ADAMTS2: variants seen among roughly 807,000 people sequenced by gnomAD.
The protein encoded by ADAMTS2 is ADAM metallopeptidase with thrombospondin type 1 motif 2, also known as A disintegrin and metalloproteinase with thrombospondin motifs 2.
Under a neutral mutation model 123.0 loss-of-function variants are expected in ADAMTS2, and 50 were observed. That is an observed-to-expected ratio of 0.41 (90% confidence interval 0.32 to 0.51). The LOEUF (loss-of-function observed/expected upper bound fraction) is 0.51. ADAMTS2 is among the 20% of genes least tolerant of loss of function. The probability of loss-of-function intolerance (pLI) is 0.35; values close to 1 mark genes in which losing one functional copy is unlikely to be tolerated. For synonymous variants in ADAMTS2, 678 were observed against 695.4 expected (o/e 0.98, Z 0.39); for missense variants, 1,494 against 1,705.2 (o/e 0.88, Z 2.18).
At position 179,343,958 on chromosome 5, in the gene ADAMTS2, C is replaced by T; in HGVS notation, c.343G>A (p.Val115Ile). 6.2e-7 allele frequency: 1 copy of T among 1,612,372 alleles called. No homozygotes were observed. The highest frequency in any genetic ancestry group is 8.5e-7 in the Non-Finnish European group (1 of 1,179,786). ...PGSHLFYNVT[V>I]FGRDLHLRLR... ...CGCAGGTGCAGGTCTCGGCCAAAGA[C>T]CGTGACATTGTAGAAGAGGTGACTG... Residue 115 changes from valine to isoleucine, a missense_variant, in exon 2 of 22, where the codon GTC becomes ATC. Around this residue, in one of 6 missense-constraint regions of ADAMTS2, gnomAD observed 237 missense variants for 233.7 expected, o/e 1.01. Transcript: ENST00000251582.
Position 179,132,779 on chromosome 5 carries a change from T to A in ADAMTS2, c.2207A>T (p.His736Leu), listed in dbSNP as rs1042993657. 2.5e-6 allele frequency: 4 copies of A among 1,613,976 alleles called. No individual in the cohort carries two copies. The highest frequency in any genetic ancestry group is 2.7e-5 in the African/African-American group (2 of 74,930). ...GTGGAGAGCAGGGACCCACTCACCA[T>A]GCTTCTTGGGTGACCGTGTGAACGT... ...KGTFTRSPKK[H>L]GYIKMFEIPA... is the part of the protein sequence containing the mutation. The change falls in exon 14 of 22, where the codon CAT becomes CTT. Residue 736 changes from histidine to leucine, a missense_variant and splice_region_variant. Physicochemically the swap from His to Leu is moderately conservative, Grantham distance 99 (BLOSUM62 -3). This residue lies in a region of ADAMTS2 where 953 missense variants were observed against 1,124.7 expected (regional missense o/e 0.85). Coordinates refer to ENST00000251582, the MANE Select transcript of ADAMTS2 (RefSeq NM_014244.5). This position sits in a 1 kb window ranked among gnomAD's most constrained non-coding sequence, Gnocchi z 6.1.
intron 2 of ADAMTS2, among the ~76,000 whole-genome samples, chr5:179,305,162 G>C (rs1756636777): frequency 1.3e-5 from 2 of 151,588 alleles, no homozygotes; most frequent in African/African-American, 2.4e-5. Context: ...AAAACTTATA[G>C]AATGTGTGGC....
At chr5:179,123,089 G>C (rs1364831434) in intron 19 of ADAMTS2, among the ~76,000 whole-genome samples, 4 of 152,372 alleles carry the variant, frequency 2.6e-5, no homozygotes, top group Middle Eastern at 3.4e-3. Context: ...GGAGGTCCAA[G>C]GCCCAGGAGA....
chr5:179,310,526 C>T (rs1041940240), intron 2 of ADAMTS2, among the ~76,000 whole-genome samples: 7 of 152,284 alleles, frequency 4.6e-5, no homozygotes, highest in Admixed American at 3.9e-4. Context: ...ATCTGATTGG[C>T]GTCTCTGGGC....
At chr5:179,195,597 G>A (rs559423395) in intron 4 of ADAMTS2, among the ~76,000 whole-genome samples, 1 of 152,384 alleles carries the variant, frequency 6.6e-6, no homozygotes, top group Middle Eastern at 3.4e-3. Flanking sequence ...GAGCTCTGCA[G>A]GGGGGCGTGG....
intron 20 of ADAMTS2, 93 bp from the exon 21 acceptor site, chr5:179,121,843 G>A: frequency 1.1e-6 from 1 of 874,534 alleles, no homozygotes; most frequent in Non-Finnish European, 1.7e-6. Context: ...GGGTCCTGGG[G>A]AAGCGTCATT....
intron 3 of ADAMTS2, among the ~76,000 whole-genome samples, chr5:179,218,100 C>T (rs1429752892): frequency 6.6e-6 from 1 of 152,206 alleles, no homozygotes; most frequent in African/African-American, 2.4e-5. Context: ...GAGGGAGGCT[C>T]AGGGAATTAG....
chr5:179,176,657 C>G (rs942903279), intron 5 of ADAMTS2, among the ~76,000 whole-genome samples: 1 of 152,214 alleles, frequency 6.6e-6, no homozygotes, highest in Non-Finnish European at 1.5e-5. Context: ...CAGTGACTGT[C>G]TCCTAAGCCA....
Position 179,132,833 on chromosome 5 carries a change from T to A in ADAMTS2, c.2153A>T (p.Asp718Val). Residue 718 changes from aspartate (D) to valine (V), a missense_variant, in exon 14 of 22, where the codon GAC (aspartate) becomes GTC (valine). This residue lies in a region of ADAMTS2 where 953 missense variants were observed against 1,124.7 expected (regional missense o/e 0.85). Transcript: ENST00000251582. The surrounding 1 kb of genome is among the most constrained non-coding windows in gnomAD (Gnocchi z 6.1). ...CTTGACCACTTTGCAGTGGCTGTTG[T>A]CCCCTCCGCACACGCCACACTTGTC... ...QEDKCGVCGGDNSHCKVVKGT... is the reference protein window; with the variant it reads ...QEDKCGVCGGVNSHCKVVKGT... 1 of 1,614,000 alleles carries A rather than the reference T, an allele frequency of 6.2e-7. No individual in the cohort carries two copies. The highest frequency in any genetic ancestry group is 1.1e-5 in the South Asian group (1 of 91,068).
Position 179,228,154 on chromosome 5 carries a change from AG to A in ADAMTS2, c.689-20440del, listed in dbSNP as rs1392413067. Among the ~76,000 whole-genome samples the A allele has an allele frequency of 6.6e-6, 1 of 152,128 alleles. No individual in the cohort carries two copies. The highest frequency in any genetic ancestry group is 6.5e-5 in the Admixed American group (1 of 15,274). On this transcript the variant is annotated intron_variant, in intron 3 of 21. Transcript: ENST00000251582. The surrounding 1 kb of genome is among the most constrained non-coding windows in gnomAD (Gnocchi z 5.2). ...CAGGAGTGGTCTGGAGCACAGAGAG[AG>A]GGTGGGCCGGAGGCCCCAGGTGTGG...
rs566367086 is a variant in ADAMTS2 at position 179,285,830 on chromosome 5, T to C, written c.535-12766A>G. ...CAAGATTTTTCTTTCTGAGCTTCCA[T>C]GTCTCACCAGCTGGACCACAGCAGA... On this transcript the variant is annotated intron_variant, in intron 2 of 21. Coordinates refer to ENST00000251582, the MANE Select transcript of ADAMTS2 (RefSeq NM_014244.5). This position sits in a 1 kb window ranked among gnomAD's most constrained non-coding sequence, Gnocchi z 4.9. 2.0e-5 allele frequency among the ~76,000 whole-genome samples: 3 copies of C among 152,210 alleles called. No homozygotes were observed. The highest frequency in any genetic ancestry group is 4.4e-5 in the Non-Finnish European group (3 of 68,028).
intron 21 of ADAMTS2, among the ~76,000 whole-genome samples, chr5:179,114,976 A>G (rs1161960426): frequency 6.6e-6 from 1 of 152,120 alleles, no homozygotes; most frequent in East Asian, 1.9e-4. Context: ...GCCTCAACTT[A>G]CCCAACAACC....
In ADAMTS2 at chr5:179,170,138, T is replaced by C. The variant is rs920051549; in HGVS notation, c.975+10934A>G. On this transcript the variant is annotated intron_variant, in intron 5 of 21. Transcript: ENST00000251582. The surrounding 1 kb of genome is among the most constrained non-coding windows in gnomAD (Gnocchi z 4.3). Reference sequence around the variant, plus strand: ...CTTTTTTTTAAGAAATGGAGAAAAATGTTGTTTTAGGAAAAACTTGAGATA... The same window carrying C: ...CTTTTTTTTAAGAAATGGAGAAAAACGTTGTTTTAGGAAAAACTTGAGATA... Among the ~76,000 whole-genome samples the C allele has an allele frequency of 6.6e-6, 1 of 152,188 alleles. No homozygotes were observed. The highest frequency in any genetic ancestry group is 1.9e-4 in the East Asian group (1 of 5,180).
intron 2 of ADAMTS2, among the ~76,000 whole-genome samples, chr5:179,320,685 A>G (rs927823684): frequency 2.6e-5 from 4 of 152,166 alleles, no homozygotes; most frequent in Non-Finnish European, 4.4e-5. Context: ...CTGCGTCACC[A>G]GTGGGCAAGG....
intron 2 of ADAMTS2, among the ~76,000 whole-genome samples, chr5:179,296,426 G>C (rs987094810): frequency 6.6e-6 from 1 of 152,134 alleles, no homozygotes; most frequent in Non-Finnish European, 1.5e-5. Flanking sequence ...CAGCAGTCAG[G>C]AATGTCGAAG....
intron 17 of ADAMTS2, among the ~76,000 whole-genome samples, chr5:179,127,565 C>T (rs981458684): frequency 6.6e-6 from 1 of 152,106 alleles, no homozygotes; most frequent in Non-Finnish European, 1.5e-5. Flanking sequence ...GAGGCTTTTC[C>T]CAGTGAACGG....
intron 3 of ADAMTS2, among the ~76,000 whole-genome samples, chr5:179,255,019 GATGGATGAATGA>G (rs1175497047): frequency 2.0e-5 from 3 of 148,542 alleles, no homozygotes; most frequent in Non-Finnish European, 2.9e-5. Context: ...ATGGATGGAT[GATGGATGAATGA>G]ATGGATAAAT....
Position 179,189,239 on chromosome 5 carries a change from T to A in ADAMTS2, c.892-8084A>T, listed in dbSNP as rs1030682614. 7.0e-4 allele frequency among the ~76,000 whole-genome samples: 107 copies of A among 152,310 alleles called. No individual in the cohort carries two copies. Among genetic ancestry groups the A allele is most frequent in the African/African-American group, 2.4e-3 (99 of 41,582 alleles). Reference sequence around the variant, plus strand: ...ACAGGCTTTGTGTGAGCAATAAAGCTTTTTAATCACCTGGGTGCAGGTGGG... The same window carrying A: ...ACAGGCTTTGTGTGAGCAATAAAGCATTTTAATCACCTGGGTGCAGGTGGG... On this transcript the variant is annotated intron_variant, in intron 4 of 21. Coordinates refer to ENST00000251582, the MANE Select transcript of ADAMTS2 (RefSeq NM_014244.5). The surrounding 1 kb of genome is among the most constrained non-coding windows in gnomAD (Gnocchi z 4.2).
chr5:179,231,901 C>T (rs901518141), intron 3 of ADAMTS2, among the ~76,000 whole-genome samples: 1 of 138,150 alleles, frequency 7.2e-6, no homozygotes, highest in South Asian at 2.3e-4. Context: ...GGCCACAGAG[C>T]GAGACCCTGT....
Sources: gnomAD v4.1 joint callset for allele counts (sites outside exome capture counted in the v4.1 genomes callset) on GRCh38, gnomAD v4.1.1 for gene constraint, gnomAD v4.1.1 regional missense constraint, Gnocchi (gnomAD v3.1) non-coding constraint, MANE v1.5 for transcripts, NCBI Gene and HGNC (gene_info 2026-07-23, HGNC 2026-07-21) for gene names.